Variants in IL33 observed in about 807,000 individuals in gnomAD.
The protein encoded by IL33 is interleukin-33.
IL33 carries 37 observed loss-of-function variants against 27.3 expected under a neutral mutation model. That is an observed-to-expected ratio of 1.36 (90% CI 1.04 to 1.78). IL33 has a LOEUF of 1.78. IL33 is among the 40% of genes most tolerant of loss of function. The pLI, the probability that IL33 is intolerant of heterozygous loss-of-function variation, is 0.00. For synonymous variants in IL33, 132 were observed against 102.9 expected (o/e 1.28, Z -1.71); for missense variants, 406 against 311.4 (o/e 1.30, Z -2.29).
intron 1 of IL33, among the ~76,000 whole-genome samples, chr9:6,222,138 C>A (rs995958261): frequency 2.6e-5 from 4 of 152,150 alleles, no homozygotes; most frequent in Admixed American, 6.6e-5. Context: ...ATGAAATATC[C>A]AGGGTGCAGA....
Position 6,256,308 on chromosome 9 carries a change from A to G in IL33, c.*140A>G. 1.6e-6 allele frequency: 1 copy of G among 618,454 alleles called. No homozygotes were observed. The highest frequency in any genetic ancestry group is 2.2e-5 in the South Asian group (1 of 45,486). 38.3% of individuals were successfully genotyped at this position (618,454 alleles called of 1,614,324 possible). ...GTGTGGAATGTTTTCCATATTATGT[A>G]TAAAAATATTTTTTCTAATCCTCCA... On this transcript the variant is annotated 3_prime_UTR_variant, in exon 8 of 8. Coordinates refer to ENST00000682010, the MANE Select transcript of IL33 (RefSeq NM_033439.4).
intron 1 of IL33, among the ~76,000 whole-genome samples, chr9:6,237,898 T>A (rs1819323512): frequency 6.6e-6 from 1 of 152,214 alleles, no homozygotes; most frequent in South Asian, 2.1e-4. Flanking sequence ...ATCTACTGTG[T>A]GCAGGTTACT....
chr9:6,224,901 G>C (rs1360682244), intron 1 of IL33, among the ~76,000 whole-genome samples: 1 of 151,564 alleles, frequency 6.6e-6, no homozygotes, highest in East Asian at 1.9e-4. Context: ...TTTTTTTACA[G>C]TTTTGTGAAT....
intron 2 of IL33, among the ~76,000 whole-genome samples, chr9:6,247,213 T>C (rs1355130744): frequency 6.6e-6 from 1 of 152,008 alleles, no homozygotes; most frequent in Non-Finnish European, 1.5e-5. Context: ...AAACCAACAT[T>C]TATGAGCAGA....
chr9:6,219,331 GC>G (rs1818313804), intron 1 of IL33, among the ~76,000 whole-genome samples: 1 of 151,880 alleles, frequency 6.6e-6, no homozygotes, highest in Non-Finnish European at 1.5e-5. Flanking sequence ...ACCTTAGTGG[GC>G]CTCAAAAAGT....
intron 1 of IL33, among the ~76,000 whole-genome samples, chr9:6,228,682 C>T (rs1818772065): frequency 6.6e-6 from 1 of 151,858 alleles, no homozygotes; most frequent in South Asian, 2.1e-4. Context: ...CAAAGCGAGA[C>T]CCTGTCTCTA....
At chr9:6,218,195 T>G (rs1025020762) in intron 1 of IL33, among the ~76,000 whole-genome samples, 6 of 152,214 alleles carry the variant, frequency 3.9e-5, no homozygotes, top group Non-Finnish European at 5.9e-5. Flanking sequence ...CATTCTTCTC[T>G]GAAAGGATCC....
At chr9:6,251,857 T>C (rs187585002) in intron 4 of IL33, among the ~76,000 whole-genome samples, 1 of 151,576 alleles carries the variant, frequency 6.6e-6, no homozygotes, top group African/African-American at 2.4e-5. Flanking sequence ...CTGGCCAACA[T>C]GGCGAAACCC....
intron 1 of IL33, among the ~76,000 whole-genome samples, chr9:6,217,037 T>C (rs2130049117): frequency 6.6e-6 from 1 of 152,108 alleles, no homozygotes; most frequent in South Asian, 2.1e-4. Context: ...GTTAGTTTGA[T>C]GGGCAAAGGG....
chr9:6,230,691 A>C (rs539020885), intron 1 of IL33, among the ~76,000 whole-genome samples: 1 of 152,092 alleles, frequency 6.6e-6, no homozygotes, highest in South Asian at 2.1e-4. Flanking sequence ...CACTGATTCC[A>C]CTGGTATTGC....
chr9:6,233,164 C>T (rs1053561821), intron 1 of IL33, among the ~76,000 whole-genome samples: 2 of 152,120 alleles, frequency 1.3e-5, no homozygotes, highest in Non-Finnish European at 2.9e-5. Flanking sequence ...CACCACATTC[C>T]AAAGTTAATT....
intron 2 of IL33, 104 bp from the exon 3 acceptor site, chr9:6,250,370 T>A: frequency 4.7e-6 from 6 of 1,286,758 alleles, no homozygotes; most frequent in Non-Finnish European, 6.4e-6. Flanking sequence ...TCTGATAAGA[T>A]ACTGTGAACC....
intron 2 of IL33, chr9:6,242,667 T>C (rs1010220513): frequency 2.0e-5 from 3 of 152,224 alleles, no homozygotes; most frequent in Admixed American, 2.0e-4. Context: ...ATGATGTCTT[T>C]TGTTTCCAAA....
At chr9:6,218,551 G>A (rs1285444397) in intron 1 of IL33, among the ~76,000 whole-genome samples, 1 of 150,846 alleles carries the variant, frequency 6.6e-6, no homozygotes, top group African/African-American at 2.4e-5. Context: ...AATCATTACA[G>A]GGAAATACTG....
At chr9:6,239,892 C>T (rs1269195942) in intron 1 of IL33, among the ~76,000 whole-genome samples, 2 of 152,110 alleles carry the variant, frequency 1.3e-5, no homozygotes, top group Non-Finnish European at 1.5e-5. Flanking sequence ...GCAGCTGTTC[C>T]TTTCGGTGGA....
chr9:6,254,608 A>G, intron 7 of IL33, 55 bp downstream of exon 7: 5 of 1,035,606 alleles, frequency 4.8e-6, no homozygotes, highest in Non-Finnish European at 6.7e-6. Flanking sequence ...ACTGTCATGA[A>G]TGACTCCACC....
intron 1 of IL33, among the ~76,000 whole-genome samples, chr9:6,229,907 A>G (rs926578405): frequency 3.3e-5 from 5 of 152,180 alleles, no homozygotes; most frequent in African/African-American, 1.2e-4. Context: ...AGATCAAAAC[A>G]TTTGAATTGG....
Position 6,256,584 on chromosome 9 carries a change from C to T in IL33, c.*416C>T. The T allele has an allele frequency of 3.1e-6, 1 of 326,104 alleles. No homozygotes were observed. The highest frequency in any genetic ancestry group is 4.2e-5 in the East Asian group (1 of 23,544). 20.2% of individuals were successfully genotyped at this position (326,104 alleles called of 1,614,324 possible). On this transcript the variant is annotated 3_prime_UTR_variant, in exon 8 of 8. Coordinates refer to ENST00000682010, the MANE Select transcript of IL33 (RefSeq NM_033439.4). ...CTTAGAGAAATAATTTTCCACAGTT[C>T]CAAACGATAGGCTCAAACACTAGAG...
chr9:6,228,212 G>C (rs1818736134), intron 1 of IL33, among the ~76,000 whole-genome samples: 1 of 151,584 alleles, frequency 6.6e-6, no homozygotes, highest in South Asian at 2.1e-4. Flanking sequence ...CACTTTGGGT[G>C]ACCAAGGCAG....
Sources: allele counts gnomAD v4.1 joint callset (sites outside exome capture counted in the v4.1 genomes callset), GRCh38; gene constraint gnomAD v4.1.1; transcripts MANE v1.5; gene names NCBI Gene and HGNC (gene_info 2026-07-23, HGNC 2026-07-21).